The following DPP10 variants were observed in gnomAD, a reference collection of about 807,000 sequenced individuals.
The protein encoded by DPP10 is dipeptidyl peptidase like 10, also known as inactive dipeptidyl peptidase 10.
DPP10 carries 33 observed loss-of-function variants against 120.9 expected under a neutral mutation model. The observed-to-expected ratio is 0.27, with a 90% CI of 0.21 to 0.37. DPP10 has a LOEUF of 0.37. DPP10 is among the 10% of genes least tolerant of loss of function. The probability of loss-of-function intolerance (pLI) is 1.00; values close to 1 mark genes in which losing one functional copy is unlikely to be tolerated. For synonymous variants in DPP10, 337 were observed against 326.1 expected, an observed-to-expected ratio of 1.03 and a Z score of -0.36; for missense variants, 816 against 942.8, an observed-to-expected ratio of 0.87 and a Z score of 1.76.
At chr2:114,696,909 A>C (rs1311244028) in intron 1 of DPP10, among the ~76,000 whole-genome samples, 1 of 152,120 alleles carries the variant, frequency 6.6e-6, no homozygotes, top group East Asian at 1.9e-4. Flanking sequence ...ATTTCCGAGC[A>C]TTAATTTCTA....
rs186628123 is a variant in DPP10, at chr2:115,590,465, G to C, written c.441+64493G>C. Among the ~76,000 whole-genome samples, 228 of 152,202 alleles carry C rather than the reference G, an allele frequency of 1.5e-3. 6 individuals are homozygous for C. The East Asian group carries it at 0.026, about 17-fold the overall frequency. ...AGTTTGCTGAGAATGATGGTTTCCAGCTTCATCCATGTCCCTACAAAGGAC... is the reference window on the plus strand; with the variant it reads ...AGTTTGCTGAGAATGATGGTTTCCACCTTCATCCATGTCCCTACAAAGGAC... On this transcript the variant is annotated intron_variant, in intron 5 of 25. Coordinates refer to ENST00000410059, the MANE Select transcript of DPP10 (RefSeq NM_020868.6).
intron 8 of DPP10, among the ~76,000 whole-genome samples, chr2:115,733,122 C>G (rs77810359): frequency 6.6e-6 from 1 of 151,970 alleles, no homozygotes; most frequent in South Asian, 2.1e-4. Context: ...TGAAAAGGTG[C>G]GGAAAAATTC....
At position 114,600,178 on chromosome 2, in the gene DPP10, G is replaced by A. The variant is rs113142057; in HGVS notation, c.60+157340G>A. Among the ~76,000 whole-genome samples the A allele has an allele frequency of 2.4e-3, 361 of 151,564 alleles. 2 individuals are homozygous for A. Among genetic ancestry groups the A allele is most frequent in the African/African-American group, 8.3e-3 (342 of 41,414 alleles). ...TCCAGTTACACAGATGTTAAACCAC[G>A]AAGTGACCCAGGGGTCACTTAGATT... On this transcript the variant is annotated intron_variant, in intron 1 of 25. Transcript: ENST00000410059.
chr2:115,297,783 A>G (rs955998653), intron 1 of DPP10, among the ~76,000 whole-genome samples: 4 of 152,082 alleles, frequency 2.6e-5, no homozygotes, highest in Admixed American at 2.0e-4. Flanking sequence ...AAGATTATAT[A>G]TGCAGCCTGC....
chr2:115,414,677 G>A (rs1157247548), intron 3 of DPP10, among the ~76,000 whole-genome samples: 4 of 152,210 alleles, frequency 2.6e-5, no homozygotes, highest in South Asian at 2.1e-4. Flanking sequence ...GTTGTACTGG[G>A]CACTCTGCCA....
intron 1 of DPP10, among the ~76,000 whole-genome samples, chr2:114,717,917 G>A (rs949355036): frequency 1.3e-5 from 2 of 152,112 alleles, no homozygotes; most frequent in Non-Finnish European, 2.9e-5. Flanking sequence ...CACTTCTGAT[G>A]AGACATATTG....
chr2:114,650,932 T>C (rs1696536168), intron 1 of DPP10, among the ~76,000 whole-genome samples: 1 of 152,218 alleles, frequency 6.6e-6, no homozygotes, highest in South Asian at 2.1e-4. Flanking sequence ...TCCTTTTGTC[T>C]AGCTAACTAT....
At chr2:114,806,836 G>A (rs764536185) in intron 1 of DPP10, among the ~76,000 whole-genome samples, 2 of 151,760 alleles carry the variant, frequency 1.3e-5, no homozygotes, top group African/African-American at 2.4e-5. Context: ...TTTTTTTGTT[G>A]TTTATTGAAC....
At chr2:115,241,733 C>G (rs1457532727) in intron 1 of DPP10, among the ~76,000 whole-genome samples, 2 of 152,156 alleles carry the variant, frequency 1.3e-5, no homozygotes, top group East Asian at 3.9e-4. Flanking sequence ...AGAAACACAT[C>G]TTACTTTTAA....
rs566527620 is a variant in DPP10, at chr2:114,447,600, T to A, written c.60+4762T>A. Among the ~76,000 whole-genome samples, 4 of 152,308 alleles carry A rather than the reference T, an allele frequency of 2.6e-5. No homozygotes were observed. The East Asian group carries it at 7.7e-4, about 29-fold the overall frequency. On this transcript the variant is annotated intron_variant, in intron 1 of 25. Coordinates refer to ENST00000410059, the MANE Select transcript of DPP10 (RefSeq NM_020868.6). ...ACCTTATCTTAGAGAGTCTTCCTAT[T>A]CCTAATCCTAAGAACTTTACTCATA...
At chr2:115,058,787 A>G (rs1170330197) in intron 1 of DPP10, among the ~76,000 whole-genome samples, 3 of 152,074 alleles carry the variant, frequency 2.0e-5, no homozygotes, top group Non-Finnish European at 2.9e-5. Context: ...CCAGCCCTTC[A>G]AATACTTAAA....
chr2:115,574,300 C>T (rs1024107694), intron 5 of DPP10, among the ~76,000 whole-genome samples: 3 of 152,178 alleles, frequency 2.0e-5, no homozygotes, highest in Non-Finnish European at 4.4e-5. Flanking sequence ...GTTTCTTTAT[C>T]ATTCCCCACA....
At chr2:114,978,480 T>C (rs114994982) in intron 1 of DPP10, among the ~76,000 whole-genome samples, 5 of 152,126 alleles carry the variant, frequency 3.3e-5, no homozygotes, top group African/African-American at 4.8e-5. Flanking sequence ...AAAGTAGTAG[T>C]TGGTGCAATA....
chr2:115,781,674 T>C (rs1171984541), intron 16 of DPP10, among the ~76,000 whole-genome samples: 2 of 151,880 alleles, frequency 1.3e-5, no homozygotes, highest in African/African-American at 2.4e-5. Context: ...ATGAGAGATA[T>C]ACCAAGACTT....
intron 5 of DPP10, among the ~76,000 whole-genome samples, chr2:115,577,451 T>C (rs1326509548): frequency 6.6e-6 from 1 of 152,202 alleles, no homozygotes; most frequent in Admixed American, 6.5e-5. Context: ...TCTCTCAGAG[T>C]AAGCACTTAT....
chr2:115,692,579 G>T (rs2091376833), intron 7 of DPP10, among the ~76,000 whole-genome samples: 1 of 151,800 alleles, frequency 6.6e-6, no homozygotes, highest in Non-Finnish European at 1.5e-5. Flanking sequence ...ACTCTGATTG[G>T]CCAACCCTCA....
chr2:115,514,320 G>C (rs1040613329), intron 4 of DPP10, among the ~76,000 whole-genome samples: 1 of 151,436 alleles, frequency 6.6e-6, no homozygotes, highest in South Asian at 2.1e-4. Flanking sequence ...TTATCAAATC[G>C]AGAAGGTTGG....
At chr2:115,723,836 G>A (rs2092705607) in intron 7 of DPP10, among the ~76,000 whole-genome samples, 1 of 152,092 alleles carries the variant, frequency 6.6e-6, no homozygotes, top group East Asian at 1.9e-4. Flanking sequence ...TTCCCAGAAA[G>A]CAAGCCATGG....
chr2:115,155,670 T>C (rs2051862391), intron 1 of DPP10, among the ~76,000 whole-genome samples: 1 of 152,180 alleles, frequency 6.6e-6, no homozygotes, highest in African/African-American at 2.4e-5. Context: ...TAATATCAAG[T>C]ATAACTTACT....
Sources: allele counts gnomAD v4.1 joint callset (sites outside exome capture counted in the v4.1 genomes callset), GRCh38; gene constraint gnomAD v4.1.1; transcripts MANE v1.5; gene names NCBI Gene and HGNC (gene_info 2026-07-23, HGNC 2026-07-21).